Variants in TGM2 observed in about 807,000 individuals in gnomAD.
TGM2 encodes the protein transglutaminase 2.
TGM2 carries 53 observed loss-of-function variants against 75.6 expected under a neutral mutation model. The observed-to-expected ratio is 0.70, with a 90% CI of 0.56 to 0.88. The LOEUF is 0.88. Ranked by LOEUF, TGM2 falls within the 40% of genes least tolerant of loss-of-function variation. The pLI, the probability that TGM2 is intolerant of heterozygous loss-of-function variation, is 0.00. For synonymous variants in TGM2, 374 were observed against 381.1 expected, an observed-to-expected ratio of 0.98 and a Z score of 0.22; for missense variants, 842 against 928.5, an observed-to-expected ratio of 0.91 and a Z score of 1.21.
At chr20:38,144,260 C>T (rs1204500489) in intron 6 of TGM2, among the ~76,000 whole-genome samples, 1 of 152,216 alleles carries the variant, frequency 6.6e-6, no homozygotes, top group Non-Finnish European at 1.5e-5. Flanking sequence ...GGGCAAGCCA[C>T]TCCCCTCTCT....
intron 8 of TGM2, among the ~76,000 whole-genome samples, chr20:38,140,873 T>C (rs1315374941): frequency 1.3e-5 from 2 of 152,204 alleles, no homozygotes; most frequent in Admixed American, 1.3e-4. Context: ...TGTGCCTTAG[T>C]GTACTCTCTC....
At chr20:38,152,802 G>A (rs972286739) in intron 3 of TGM2, among the ~76,000 whole-genome samples, 1 of 152,236 alleles carries the variant, frequency 6.6e-6, no homozygotes, top group East Asian at 1.9e-4. Flanking sequence ...CCCGGGATGT[G>A]GGTCACTTTA....
intron 1 of TGM2, among the ~76,000 whole-genome samples, chr20:38,163,704 G>A (rs781059751): frequency 1.3e-5 from 2 of 152,144 alleles, no homozygotes; most frequent in Non-Finnish European, 1.5e-5. Flanking sequence ...CAGGGATGTC[G>A]GTCCCCGTGT....
chr20:38,154,564 G>A (rs746796823), intron 3 of TGM2, among the ~76,000 whole-genome samples: 1 of 152,122 alleles, frequency 6.6e-6, no homozygotes, highest in Non-Finnish European at 1.5e-5. Flanking sequence ...TTTGTCCAAG[G>A]TTGTCCACTT....
chr20:38,131,283 G>T, intron 11 of TGM2, 54 bp from the exon 12 acceptor site: 1 of 1,610,270 alleles, frequency 6.2e-7, no homozygotes. Context: ...AGGCTGGGCT[G>T]TCTGCATTCA....
intron 3 of TGM2, among the ~76,000 whole-genome samples, chr20:38,154,466 C>T (rs1474855144): frequency 6.6e-6 from 1 of 152,164 alleles, no homozygotes; most frequent in Non-Finnish European, 1.5e-5. Flanking sequence ...AAAATCGAGG[C>T]CTGGGGAGGT....
chr20:38,130,066 G>T lies in TGM2; in HGVS notation c.*153C>A. 1 of 995,444 alleles carries T rather than the reference G, an allele frequency of 1.0e-6. No homozygotes were observed. The highest frequency in any genetic ancestry group is 2.2e-5 in the Admixed American group (1 of 45,082). The allele number at this position is 995,444 out of a possible 1,614,324, so 61.7% of individuals were successfully genotyped here. On this transcript the variant is annotated 3_prime_UTR_variant, in exon 13 of 13. Transcript: ENST00000361475. ...CCCACAGGCTCAGGAGGCTGAGATG[G>T]GCCAGGGGCACATTCCATTTCCGAG...
chr20:38,162,715 AAG>A (rs1335684376), intron 1 of TGM2, among the ~76,000 whole-genome samples: 2 of 152,250 alleles, frequency 1.3e-5, no homozygotes, highest in Non-Finnish European at 2.9e-5. Context: ...TGTTAAAAAA[AAG>A]AGAGTCCTTA....
At chr20:38,139,313 A>G (rs1369771341) in intron 9 of TGM2, 99 bp downstream of exon 9, 24 of 1,570,972 alleles carry the variant, frequency 1.5e-5, no homozygotes, top group Non-Finnish European at 1.9e-5. Context: ...TACGTAGGCT[A>G]CCAATTAAAA....
Position 38,132,482 on chromosome 20 carries a change from C to A in TGM2, c.1634G>T (p.Cys545Phe). The A allele has an allele frequency of 6.2e-7, 1 of 1,614,120 alleles. No individual in the cohort carries two copies. Among genetic ancestry groups the A allele is most frequent in the Non-Finnish European group, 8.5e-7 (1 of 1,180,022 alleles). ...GTCACGGTATTTCTCATAGAGGATGCAAAGAGGAACGCTCTTCTCTGCAGA... is the reference window on the plus strand; with the variant it reads ...GTCACGGTATTTCTCATAGAGGATGAAAAGAGGAACGCTCTTCTCTGCAGA... ...EPFSEKSVPL[C>F]ILYEKYRDCL... Residue 545 changes from cysteine to phenylalanine, a missense_variant, in exon 11 of 13, where the codon TGC (cysteine) becomes TTC (phenylalanine). Physicochemically the swap from Cys to Phe is radical, Grantham distance 205. Coordinates refer to ENST00000361475, the MANE Select transcript of TGM2 (RefSeq NM_004613.4).
intron 10 of TGM2, chr20:38,132,996 C>A: frequency 2.6e-6 from 1 of 383,098 alleles, no homozygotes; most frequent in Non-Finnish European, 5.3e-6. Context: ...ACTTCACCTA[C>A]ATGACAACCC....
intron 6 of TGM2, among the ~76,000 whole-genome samples, 198 bp from the exon 7 acceptor site, chr20:38,142,397 A>C (rs1422699049): frequency 6.6e-6 from 1 of 152,088 alleles, no homozygotes; most frequent in African/African-American, 2.4e-5. Flanking sequence ...CTCACATCAC[A>C]GTTGCCAGAA....
In TGM2 at chr20:38,137,957, G is replaced by T; in HGVS notation, c.1615+156C>A. ...CACTCTTGCAATAAGAATTAAGTGG[G>T]TTGATATTTATAAAGTGCTTAGGAC... On this transcript the variant is annotated intron_variant, in intron 10 of 12. Coordinates refer to ENST00000361475, the MANE Select transcript of TGM2 (RefSeq NM_004613.4). 3 of 1,435,784 alleles carry T rather than the reference G, an allele frequency of 2.1e-6. No homozygotes were observed. In the South Asian group the frequency reaches 4.6e-5, roughly 22 times the overall value. 88.9% of individuals were successfully genotyped at this position (1,435,784 alleles called of 1,614,324 possible).
At chr20:38,153,674 G>T (rs1484055231) in intron 3 of TGM2, among the ~76,000 whole-genome samples, 1 of 152,082 alleles carries the variant, frequency 6.6e-6, no homozygotes, top group Non-Finnish European at 1.5e-5. Context: ...GAGAGACAGA[G>T]ACCTATAAAA....
intron 4 of TGM2, among the ~76,000 whole-genome samples, chr20:38,149,200 A>T (rs1480576819): frequency 6.6e-6 from 1 of 152,144 alleles, no homozygotes; most frequent in African/African-American, 2.4e-5. Flanking sequence ...ACCTCCTTGC[A>T]TGGCAAACTC....
At chr20:38,134,650 G>A (rs1375726162) in intron 10 of TGM2, among the ~76,000 whole-genome samples, 1 of 152,148 alleles carries the variant, frequency 6.6e-6, no homozygotes, top group Non-Finnish European at 1.5e-5. Context: ...GACAGTCACC[G>A]AGGCCACATT....
At chr20:38,132,266 T>C in intron 11 of TGM2, 74 bp downstream of exon 11, 4 of 1,549,834 alleles carry the variant, frequency 2.6e-6, no homozygotes, top group Non-Finnish European at 3.6e-6. Context: ...GTGTGTGGGG[T>C]GGGGGTAGGG....
At chr20:38,154,061 C>T (rs1277630022) in intron 3 of TGM2, among the ~76,000 whole-genome samples, 2 of 152,088 alleles carry the variant, frequency 1.3e-5, no homozygotes, top group African/African-American at 2.4e-5. Flanking sequence ...CAAGTGATCC[C>T]CCTGCCTCAG....
chr20:38,164,664 T>TTGCA (rs1423927682), intron 1 of TGM2, among the ~76,000 whole-genome samples: 13 of 152,238 alleles, frequency 8.5e-5, no homozygotes, highest in African/African-American at 3.1e-4. Flanking sequence ...AGGTCTAGGG[T>TTGCA]TGCAGAACGT....
Sources: gnomAD v4.1 joint callset for allele counts (sites outside exome capture counted in the v4.1 genomes callset) on GRCh38, gnomAD v4.1.1 for gene constraint, MANE v1.5 for transcripts, NCBI Gene and HGNC (gene_info 2026-07-23, HGNC 2026-07-21) for gene names.